Variants in APCDD1 observed in about 807,000 individuals in gnomAD.
APCDD1 encodes APC down-regulated 1.
In APCDD1, 15 loss-of-function variants were observed where a neutral mutation model predicts 38.1. The ratio of observed to expected loss-of-function variants is 0.39; its 90% CI spans 0.26 to 0.61. The LOEUF is 0.61. Ranked by LOEUF, APCDD1 falls within the 20% of genes least tolerant of loss-of-function variation. APCDD1 has a pLI of 0.49. For missense variants in APCDD1, 647 were observed against 696.2 expected (o/e 0.93, Z 0.79); for synonymous variants, 261 against 279.7 (o/e 0.93, Z 0.67).
chr18:10,478,410 T>A (rs1043293274), intron 3 of APCDD1, among the ~76,000 whole-genome samples: 10 of 152,138 alleles, frequency 6.6e-5, no homozygotes, highest in Admixed American at 2.0e-4. Flanking sequence ...CAGGCTGCCA[T>A]AGCAAAGCAG....
chr18:10,459,598 G>A (rs1253702673), intron 1 of APCDD1, among the ~76,000 whole-genome samples: 1 of 152,014 alleles, frequency 6.6e-6, no homozygotes, highest in Admixed American at 6.6e-5. Flanking sequence ...CAAGCTTACT[G>A]CAAAAAAAAT....
rs55772464 is a variant in APCDD1 at position 10,468,361 on chromosome 18, A to G, written c.59-108A>G. ...TGTGATGACACCTTGTAGAATAAAC[A>G]ATCATTTCCCACCTTCAGCCACTGT... On this transcript the variant is annotated intron_variant, in intron 1 of 4. Transcript: ENST00000355285. The G allele has an allele frequency of 2.4e-3, 2,886 of 1,196,150 alleles. 47 individuals carry two copies. The African/African-American group carries it at 0.038, about 16-fold the overall frequency. The allele number at this position is 1,196,150 out of a possible 1,614,324, so 74.1% of individuals were successfully genotyped here. A position where few individuals can be genotyped will look rare whatever the true frequency, so the allele number is the denominator to read the frequency against.
At chr18:10,480,680 G>C (rs1460936423) in intron 3 of APCDD1, among the ~76,000 whole-genome samples, 2 of 150,338 alleles carry the variant, frequency 1.3e-5, no homozygotes, top group African/African-American at 4.9e-5. Context: ...TGGGCAACAT[G>C]GTGAAACCCC....
chr18:10,485,608 C>T lies in APCDD1; in HGVS notation c.921C>T (p.Leu307=). 2 of 1,613,962 alleles carry T rather than the reference C, an allele frequency of 1.2e-6. No homozygotes were observed. Among genetic ancestry groups the T allele is most frequent in the South Asian group, 2.2e-5 (2 of 91,066 alleles). Residue 307 remains leucine, a synonymous_variant, in exon 4 of 5, where the codon CTC becomes CTT. Coordinates refer to ENST00000355285, the MANE Select transcript of APCDD1 (RefSeq NM_153000.5). This position sits in a 1 kb window ranked among gnomAD's most constrained non-coding sequence, Gnocchi z 5.8. The part of the protein sequence containing the change: ...SQRCEVRPEV[L]FLTRHFIFHD... ...GCTGTGAGGTGCGCCCCGAAGTCCT[C>T]TTCCTCACCCGCCACTTCATCTTCC...
At chr18:10,459,039 A>G (rs979597171) in intron 1 of APCDD1, among the ~76,000 whole-genome samples, 6 of 152,236 alleles carry the variant, frequency 3.9e-5, no homozygotes, top group Non-Finnish European at 1.5e-5. Flanking sequence ...TCATCCTAAA[A>G]TTATTAAGGA....
Position 10,454,871 on chromosome 18 carries a change from C to A in APCDD1, c.-111C>A, listed in dbSNP as rs1438306194. The A allele has an allele frequency of 8.5e-7, 1 of 1,182,608 alleles. No individual in the cohort carries two copies. The highest frequency in any genetic ancestry group is 1.6e-5 in the African/African-American group (1 of 61,218). 73.3% of individuals were successfully genotyped at this position (1,182,608 alleles called of 1,614,324 possible). On this transcript the variant is annotated 5_prime_UTR_variant, in exon 1 of 5. Transcript: ENST00000355285. ...GGGCGCGCGGCAGCCGCCTGAAGCC[C>A]CGGCCTGGCCCGGCCGCACCCGGCC... is the stretch of plus-strand genomic sequence containing the variant.
In APCDD1 at chr18:10,465,768, C is replaced by T. The variant is rs542329781; in HGVS notation, c.59-2701C>T. 9.9e-5 allele frequency among the ~76,000 whole-genome samples: 15 copies of T among 152,258 alleles called. 1 individual carries two copies. The highest frequency in any genetic ancestry group is 7.2e-4 in the Admixed American group (11 of 15,288). On this transcript the variant is annotated intron_variant, in intron 1 of 4. Transcript: ENST00000355285. ...TGCTGCAAGTGATTCACGGGTATCT[C>T]GTGACTGTTGTTAAGGCATCATATC...
At chr18:10,474,787 A>G (rs551415773) in intron 3 of APCDD1, among the ~76,000 whole-genome samples, 7 of 152,308 alleles carry the variant, frequency 4.6e-5, no homozygotes, top group Admixed American at 1.3e-4. Context: ...ATTCCCGTCA[A>G]TGTCCCTCTG....
intron 1 of APCDD1, among the ~76,000 whole-genome samples, chr18:10,461,175 G>T (rs2030532245): frequency 6.6e-6 from 1 of 151,980 alleles, no homozygotes; most frequent in South Asian, 2.1e-4. Context: ...ACACACGCAG[G>T]TGCACACACT....
At chr18:10,460,651 C>T (rs541708081) in intron 1 of APCDD1, among the ~76,000 whole-genome samples, 2 of 152,254 alleles carry the variant, frequency 1.3e-5, no homozygotes, top group East Asian at 3.9e-4. Context: ...ATGATTCAAG[C>T]CTAAGAGATA....
intron 3 of APCDD1, among the ~76,000 whole-genome samples, chr18:10,483,509 G>A (rs1235004935): frequency 1.3e-5 from 2 of 152,204 alleles, no homozygotes; most frequent in Admixed American, 6.5e-5. Context: ...CAGCAGCAGC[G>A]CAAGTTAGTG....
chr18:10,488,304 C>G lies in APCDD1; in HGVS notation c.*266C>G. 1 of 464,500 alleles carries G rather than the reference C, an allele frequency of 2.2e-6. No individual in the cohort carries two copies. The highest frequency in any genetic ancestry group is 3.8e-6 in the Non-Finnish European group (1 of 262,808). 28.8% of individuals were successfully genotyped at this position (464,500 alleles called of 1,614,324 possible). On this transcript the variant is annotated 3_prime_UTR_variant, in exon 5 of 5. Transcript: ENST00000355285. ...CTTTAAGACAGCCTAGAGTTCTGGACGAGCGTGTTTGGTAGCAGGGATGAA... is the reference window on the plus strand; with the variant it reads ...CTTTAAGACAGCCTAGAGTTCTGGAGGAGCGTGTTTGGTAGCAGGGATGAA...
intron 1 of APCDD1, among the ~76,000 whole-genome samples, chr18:10,455,388 A>G (rs2030353398): frequency 6.6e-6 from 1 of 152,224 alleles, no homozygotes; most frequent in African/African-American, 2.4e-5. Flanking sequence ...TTCCAACTGT[A>G]CACTGCCATG....
At chr18:10,477,373 G>C (rs1325636435) in intron 3 of APCDD1, 1 of 152,218 alleles carries the variant, frequency 6.6e-6, no homozygotes, top group Non-Finnish European at 1.5e-5. Flanking sequence ...ATAGGTTGAG[G>C]GGGTCTTGAC....
chr18:10,484,572 C>G (rs1460188079), intron 3 of APCDD1, among the ~76,000 whole-genome samples: 1 of 152,088 alleles, frequency 6.6e-6, no homozygotes, highest in Admixed American at 6.5e-5. Flanking sequence ...TCCCATTAAA[C>G]CACTCCTTGT....
chr18:10,481,979 A>T (rs921058104), intron 3 of APCDD1, among the ~76,000 whole-genome samples: 48 of 152,112 alleles, frequency 3.2e-4, no homozygotes, highest in Non-Finnish European at 7.3e-5. Flanking sequence ...CATTATTGCT[A>T]AAGGAAAGCA....
At chr18:10,462,904 C>T (rs1352878157) in intron 1 of APCDD1, among the ~76,000 whole-genome samples, 1 of 137,684 alleles carries the variant, frequency 7.3e-6, no homozygotes, top group African/African-American at 3.3e-5. Flanking sequence ...TCAATCTGTC[C>T]CCCATGTCCC....
intron 3 of APCDD1, among the ~76,000 whole-genome samples, chr18:10,479,191 G>C (rs2031077490): frequency 6.6e-6 from 1 of 152,136 alleles, no homozygotes; most frequent in Non-Finnish European, 1.5e-5. Flanking sequence ...TTTCAACGTG[G>C]GCCATTGGCC....
At chr18:10,483,397 A>T (rs1198202228) in intron 3 of APCDD1, among the ~76,000 whole-genome samples, 1 of 152,224 alleles carries the variant, frequency 6.6e-6, no homozygotes, top group Admixed American at 6.5e-5. Context: ...CTTCATCTCA[A>T]TGCTGCAGCT....
Sources: gnomAD v4.1 joint callset for allele counts (sites outside exome capture counted in the v4.1 genomes callset) on GRCh38, gnomAD v4.1.1 for gene constraint, Gnocchi (gnomAD v3.1) non-coding constraint, MANE v1.5 for transcripts, NCBI Gene and HGNC (gene_info 2026-07-23, HGNC 2026-07-21) for gene names.